The following MSRA variants were observed in gnomAD, a reference collection of about 807,000 sequenced individuals.
The protein encoded by MSRA is mitochondrial peptide methionine sulfoxide reductase.
Under a neutral mutation model 31.3 loss-of-function variants are expected in MSRA, and 54 were observed. The ratio of observed to expected loss-of-function variants is 1.73; its 90% CI spans 1.39 to 2.17. MSRA has a LOEUF of 2.17. MSRA is among the 30% of genes most tolerant of loss of function. MSRA has a pLI of 0.00. For synonymous variants in MSRA, 169 were observed against 116.5 expected, an observed-to-expected ratio of 1.45 and a Z score of -2.90; for missense variants, 507 against 300.9, an observed-to-expected ratio of 1.69 and a Z score of -5.07.
In MSRA at chr8:10,147,942, T is replaced by C. The variant is rs574841980; in HGVS notation, c.143-59891T>C. Among the ~76,000 whole-genome samples the C allele has an allele frequency of 2.6e-5, 4 of 152,240 alleles. No homozygotes were observed. In the South Asian group the frequency reaches 6.2e-4, roughly 24 times the overall value. ...ACTCCAAAGAGCGGGAAAACGACTT[T>C]AGAGGGACCGGAAAGGGGAAGCGAG... On this transcript the variant is annotated intron_variant, in intron 1 of 5. Coordinates refer to ENST00000317173, the MANE Select transcript of MSRA (RefSeq NM_012331.5).
At chr8:10,185,173 C>T (rs573750226) in intron 1 of MSRA, among the ~76,000 whole-genome samples, 5 of 152,172 alleles carry the variant, frequency 3.3e-5, no homozygotes, top group South Asian at 2.1e-4. Flanking sequence ...TTAGCGAATG[C>T]GAATCCCCCT....
chr8:10,243,309 C>G (rs556244693), intron 2 of MSRA, among the ~76,000 whole-genome samples: 2 of 152,236 alleles, frequency 1.3e-5, no homozygotes, highest in African/African-American at 2.4e-5. Flanking sequence ...CTGGAGCTCT[C>G]GTGGTCATTT....
Position 10,321,911 on chromosome 8 carries a change from G to A in MSRA, c.543+1922G>A, listed in dbSNP as rs116640917. The stretch of plus-strand genomic sequence containing the variant: ...AGGCACACAGCCAAGCTGTGCCACA[G>A]AAGCTGTGAGATAATAAATGTATAT... On this transcript the variant is annotated intron_variant, in intron 5 of 5. Transcript: ENST00000317173. Among the ~76,000 whole-genome samples, 773 of 152,344 alleles carry A rather than the reference G, an allele frequency of 5.1e-3. 8 individuals are homozygous for A. Among genetic ancestry groups the A allele is most frequent in the African/African-American group, 0.018 (737 of 41,596 alleles).
chr8:10,246,183 C>A (rs193080270), intron 3 of MSRA, among the ~76,000 whole-genome samples: 2 of 152,152 alleles, frequency 1.3e-5, no homozygotes, highest in Admixed American at 6.6e-5. Context: ...GCTACAGTTA[C>A]AAGAGTTGAG....
intron 5 of MSRA, among the ~76,000 whole-genome samples, chr8:10,342,214 G>C (rs770740721): frequency 6.6e-6 from 1 of 152,198 alleles, no homozygotes; most frequent in Non-Finnish European, 1.5e-5. Context: ...GCCTTGAGCA[G>C]CAGTTCTCAG....
chr8:10,384,867 T>A (rs1371020245), intron 5 of MSRA, among the ~76,000 whole-genome samples: 1 of 152,092 alleles, frequency 6.6e-6, no homozygotes, highest in Admixed American at 6.5e-5. Context: ...CTGGGTGTTG[T>A]AGCGCATACC....
At chr8:10,405,228 C>G (rs989628115) in intron 5 of MSRA, among the ~76,000 whole-genome samples, 2 of 152,128 alleles carry the variant, frequency 1.3e-5, no homozygotes, top group Non-Finnish European at 2.9e-5. Flanking sequence ...TCCCCTCTGT[C>G]AACCCTGTGC....
chr8:10,076,163 A>G (rs1312288331), intron 1 of MSRA, among the ~76,000 whole-genome samples: 1 of 152,248 alleles, frequency 6.6e-6, no homozygotes, highest in Non-Finnish European at 1.5e-5. Flanking sequence ...ATTTCTGGGA[A>G]TAGATGAGAT....
intron 5 of MSRA, among the ~76,000 whole-genome samples, chr8:10,386,407 G>C (rs1187390042): frequency 6.6e-6 from 1 of 152,186 alleles, no homozygotes; most frequent in African/African-American, 2.4e-5. Flanking sequence ...TGAAGCAGGA[G>C]GGAAGGGAAG....
intron 3 of MSRA, among the ~76,000 whole-genome samples, chr8:10,270,127 G>C (rs1014841811): frequency 6.6e-6 from 1 of 152,204 alleles, no homozygotes; most frequent in Non-Finnish European, 1.5e-5. Flanking sequence ...AAAAACTTGA[G>C]TCAAGTTTCA....
intron 1 of MSRA, among the ~76,000 whole-genome samples, chr8:10,135,519 T>C (rs1159220908): frequency 6.6e-6 from 1 of 152,254 alleles, no homozygotes; most frequent in South Asian, 2.1e-4. Context: ...TAATGACTAA[T>C]GTGCCAGGTA....
intron 5 of MSRA, among the ~76,000 whole-genome samples, chr8:10,424,941 C>T (rs1225614964): frequency 2.0e-5 from 3 of 152,202 alleles, no homozygotes; most frequent in South Asian, 2.1e-4. Context: ...CTGCGAAGCC[C>T]ACTGAAATCA....
chr8:10,281,267 A>G (rs1253990504), intron 3 of MSRA, among the ~76,000 whole-genome samples: 1 of 152,202 alleles, frequency 6.6e-6, no homozygotes, highest in African/African-American at 2.4e-5. Flanking sequence ...GTTTGTGCTG[A>G]TTCTTACTCT....
At chr8:10,104,632 T>C (rs1402582736) in intron 1 of MSRA, among the ~76,000 whole-genome samples, 4 of 152,208 alleles carry the variant, frequency 2.6e-5, no homozygotes, top group Non-Finnish European at 5.9e-5. Context: ...AGTTGAAGCC[T>C]CCTGGTAGCA....
At chr8:10,328,138 G>T (rs1262464365) in intron 5 of MSRA, among the ~76,000 whole-genome samples, 1 of 137,882 alleles carries the variant, frequency 7.3e-6, no homozygotes, top group Non-Finnish European at 1.5e-5. Flanking sequence ...ATAACAAACT[G>T]TCTACTTGTT....
chr8:10,422,140 G>C (rs1477566493), intron 5 of MSRA, among the ~76,000 whole-genome samples: 1 of 152,180 alleles, frequency 6.6e-6, no homozygotes, highest in Admixed American at 6.5e-5. Flanking sequence ...AAATTAGCCA[G>C]GTATGGTGGT....
intron 4 of MSRA, among the ~76,000 whole-genome samples, chr8:10,313,655 GTGT>G (rs997413328): frequency 3.9e-5 from 6 of 152,152 alleles, no homozygotes; most frequent in African/African-American, 1.4e-4. Flanking sequence ...GTTGTCGTCA[GTGT>G]TGTTGTTTTT....
chr8:10,221,485 A>G (rs1810496944), intron 2 of MSRA, among the ~76,000 whole-genome samples: 1 of 151,914 alleles, frequency 6.6e-6, no homozygotes, highest in African/African-American at 2.4e-5. Context: ...CTGAGATGAG[A>G]AAACTAAGGC....
chr8:10,163,158 C>T (rs1481812682), intron 1 of MSRA, among the ~76,000 whole-genome samples: 6 of 152,136 alleles, frequency 3.9e-5, no homozygotes, highest in Admixed American at 2.6e-4. Flanking sequence ...AGAGCCTGAC[C>T]ATGCTGGCAC....
Sources: allele counts gnomAD v4.1 joint callset (sites outside exome capture counted in the v4.1 genomes callset), GRCh38; gene constraint gnomAD v4.1.1; transcripts MANE v1.5; gene names NCBI Gene and HGNC (gene_info 2026-07-23, HGNC 2026-07-21).